The following ADGRA3 variants were observed in gnomAD, a reference collection of about 807,000 sequenced individuals.
ADGRA3 encodes the protein G-protein coupled receptor 125.
In ADGRA3, 56 loss-of-function variants were observed where a neutral mutation model predicts 119.8. The ratio of observed to expected loss-of-function variants is 0.47; its 90% confidence interval spans 0.38 to 0.58. The LOEUF (loss-of-function observed/expected upper bound fraction) is 0.58. ADGRA3 is among the 20% of genes least tolerant of loss of function. The probability of loss-of-function intolerance (pLI) is 0.00; values close to 1 mark genes in which losing one functional copy is unlikely to be tolerated. For missense variants in ADGRA3, 1,516 were observed against 1,649.0 expected (o/e 0.92, Z 1.40); for synonymous variants, 607 against 623.8 (o/e 0.97, Z 0.40).
intron 8 of ADGRA3, 111 bp downstream of exon 8, chr4:22,438,145 T>C (rs529015331): frequency 4.8e-5 from 36 of 752,866 alleles, no homozygotes; most frequent in Admixed American, 1.3e-4. Flanking sequence ...TCCTCAGACA[T>C]GTGCAGTTCT....
chr4:22,388,956 G>T lies in ADGRA3; in HGVS notation c.2724-9C>A, dbSNP rs773207150. ...CCCATGCCATCCAGCAACTGGAAAAGAAAATGGTAAACCAGATCGATGCTA... is the reference window on the plus strand; with the variant it reads ...CCCATGCCATCCAGCAACTGGAAAATAAAATGGTAAACCAGATCGATGCTA... On this transcript the variant is annotated splice_polypyrimidine_tract_variant and intron_variant, in intron 18 of 18. Transcript: ENST00000334304. 3.2e-5 allele frequency: 51 copies of T among 1,611,682 alleles called. 1 individual carries two copies. In the South Asian group the frequency reaches 4.8e-4, roughly 15 times the overall value.
intron 4 of ADGRA3, among the ~76,000 whole-genome samples, 180 bp from the exon 5 acceptor site, chr4:22,447,691 T>C (rs1409620973): frequency 1.3e-5 from 2 of 152,022 alleles, no homozygotes; most frequent in African/African-American, 4.8e-5. Context: ...AAGAAGAAAA[T>C]TATGCTTCAC....
intron 1 of ADGRA3, among the ~76,000 whole-genome samples, chr4:22,483,579 C>A (rs2109137319): frequency 6.6e-6 from 1 of 152,238 alleles, no homozygotes; most frequent in African/African-American, 2.4e-5. Context: ...CATGTTAGAC[C>A]TTCTAAACTT....
In ADGRA3 at chr4:22,454,878, T is replaced by C. The variant is rs61736472; in HGVS notation, c.461A>G (p.Asn154Ser). ...LNADIFRGLT[N>S]LVRLNLSGNL... ...AAGATATACTTACAGCCGAACCAGA[T>C]TGGTGAGTCCTCGAAATATGTCTGC... The change falls in exon 4 of 19, where the codon AAT (asparagine) becomes AGT (serine). Residue 154 changes from asparagine (N) to serine (S), a missense_variant. Asn to Ser is a conservative substitution (Grantham distance 46). Coordinates refer to ENST00000334304, the MANE Select transcript of ADGRA3 (RefSeq NM_145290.4). 1.0e-4 allele frequency: 165 copies of C among 1,612,792 alleles called. No individual in the cohort carries two copies. The highest frequency in any genetic ancestry group is 3.3e-4 in the Middle Eastern group (2 of 6,080).
At position 22,392,579 on chromosome 4, in the gene ADGRA3, C is replaced by T; in HGVS notation, c.2593G>A (p.Asp865Asn). The change falls in exon 17 of 19, where the codon GAT becomes AAT. Residue 865 changes from aspartate (D) to asparagine (N), a missense_variant. This residue lies in a region of ADGRA3 where 1,088 missense variants were observed against 1,107.1 expected (regional missense o/e 0.98). Transcript: ENST00000334304. ...TKKAKRCQDP[D>N]EPPPPPRPML... ...GGTCTTGGTGGAGGTGGTGGTTCAT[C>T]AGGATCCTGGCATCTTTTAGCTTTT... 6.2e-7 allele frequency: 1 copy of T among 1,613,944 alleles called. No individual in the cohort carries two copies. Among genetic ancestry groups the T allele is most frequent in the Non-Finnish European group, 8.5e-7 (1 of 1,179,884 alleles).
rs1715623325 is a variant in ADGRA3, at chr4:22,420,684, C to G, written c.1809+202G>C. 24 of 575,398 alleles carry G rather than the reference C, an allele frequency of 4.2e-5. No homozygotes were observed. The South Asian group carries it at 5.6e-4, about 13-fold the overall frequency. 35.6% of individuals were successfully genotyped at this position (575,398 alleles called of 1,614,324 possible). A position where few individuals can be genotyped will look rare whatever the true frequency, so the allele number is the denominator to read the frequency against. ...ATATTTTTATGTGAAGAAAGGGAAT[C>G]AAAGGCAAAAATGCCTAGGGCCCTT... On this transcript the variant is annotated intron_variant, in intron 12 of 18. Coordinates refer to ENST00000334304, the MANE Select transcript of ADGRA3 (RefSeq NM_145290.4).
At position 22,413,108 on chromosome 4, in the gene ADGRA3, A is replaced by T. The variant is rs549776155; in HGVS notation, c.2232+74T>A. The T allele has an allele frequency of 3.5e-6, 4 of 1,147,346 alleles. No homozygotes were observed. The African/African-American group carries it at 6.3e-5, about 18-fold the overall frequency. 71.1% of individuals were successfully genotyped at this position (1,147,346 alleles called of 1,614,324 possible). ...AAAAAAAAACAAAAAACAAAAAAAC[A>T]CTTCATTTGAGCTTAATTATGCATA... On this transcript the variant is annotated intron_variant, in intron 14 of 18. Transcript: ENST00000334304.
chr4:22,443,691 C>T (rs537999598), intron 6 of ADGRA3, among the ~76,000 whole-genome samples: 3 of 152,028 alleles, frequency 2.0e-5, no homozygotes, highest in Admixed American at 2.0e-4. Context: ...ATTAATTCAA[C>T]TTAAAAAAGG....
chr4:22,467,825 A>C (rs1202795631), intron 2 of ADGRA3, among the ~76,000 whole-genome samples: 3 of 152,218 alleles, frequency 2.0e-5, no homozygotes, highest in Non-Finnish European at 2.9e-5. Context: ...TGTATGGCTA[A>C]ATCTGAATAC....
At position 22,515,543 on chromosome 4, in the gene ADGRA3, T is replaced by A. The variant is rs1399501600; in HGVS notation, c.242A>T (p.Asn81Ile). ...AQVLPPDTLP[N>I]RTVTLILSNN... is the part of the protein sequence containing the mutation. ...AGATACTCACAGGGTGACCGTGCGG[T>A]TGGGCAGAGTATCTGGGGGCAGGAC... Residue 81 changes from asparagine (N) to isoleucine (I), a missense_variant, in exon 1 of 19, where the codon AAC (asparagine) becomes ATC (isoleucine). By Grantham distance (149) the Asn-to-Ile change is moderately radical. This residue lies in a region of ADGRA3 where 428 missense variants were observed against 541.9 expected (regional missense o/e 0.79). Coordinates refer to ENST00000334304, the MANE Select transcript of ADGRA3 (RefSeq NM_145290.4). 1.3e-6 allele frequency: 2 copies of A among 1,597,270 alleles called. No homozygotes were observed. The highest frequency in any genetic ancestry group is 1.7e-5 in the Admixed American group (1 of 59,672).
intron 14 of ADGRA3, among the ~76,000 whole-genome samples, chr4:22,405,325 A>C (rs754833592): frequency 1.3e-5 from 2 of 152,158 alleles, no homozygotes; most frequent in Non-Finnish European, 2.9e-5. Context: ...GGATTGCTTG[A>C]GGCCAGGAGC....
chr4:22,416,651 G>C (rs934607005), intron 12 of ADGRA3, among the ~76,000 whole-genome samples: 1 of 152,156 alleles, frequency 6.6e-6, no homozygotes, highest in African/African-American at 2.4e-5. Context: ...GGGACTGGGG[G>C]AGAGGAAATG....
At chr4:22,438,637 C>G (rs773014308) in intron 7 of ADGRA3, among the ~76,000 whole-genome samples, 1 of 151,998 alleles carries the variant, frequency 6.6e-6, no homozygotes, top group Non-Finnish European at 1.5e-5. Flanking sequence ...ACAATCAGGG[C>G]AATAAGAGAC....
chr4:22,509,800 G>A (rs1719379921), intron 1 of ADGRA3, among the ~76,000 whole-genome samples: 1 of 151,904 alleles, frequency 6.6e-6, no homozygotes, highest in African/African-American at 2.4e-5. Flanking sequence ...CACGAGGTCA[G>A]GAGATCGAGA....
At chr4:22,426,783 A>G (rs1715953577) in intron 10 of ADGRA3, among the ~76,000 whole-genome samples, 1 of 152,176 alleles carries the variant, frequency 6.6e-6, no homozygotes, top group Non-Finnish European at 1.5e-5. Flanking sequence ...AATGACAAAT[A>G]ATTAAGAAGA....
intron 1 of ADGRA3, among the ~76,000 whole-genome samples, chr4:22,485,685 C>CTTT (rs1283748221): frequency 1.3e-5 from 2 of 152,160 alleles, no homozygotes; most frequent in Non-Finnish European, 2.9e-5. Flanking sequence ...GGGTAATGAA[C>CTTT]TGCCTTTACT....
intron 1 of ADGRA3, among the ~76,000 whole-genome samples, chr4:22,475,619 C>G (rs1055813112): frequency 1.3e-5 from 2 of 151,848 alleles, no homozygotes; most frequent in African/African-American, 4.8e-5. Flanking sequence ...CCCAGCTACT[C>G]GGGAGGCTGA....
chr4:22,461,225 T>C (rs1717438508), intron 3 of ADGRA3, among the ~76,000 whole-genome samples: 2 of 152,160 alleles, frequency 1.3e-5, no homozygotes, highest in Admixed American at 1.3e-4. Flanking sequence ...AGCATAAGAG[T>C]AACACAGCCA....
At chr4:22,400,882 C>T (rs991461322) in intron 16 of ADGRA3, among the ~76,000 whole-genome samples, 2 of 151,962 alleles carry the variant, frequency 1.3e-5, no homozygotes, top group Non-Finnish European at 2.9e-5. Context: ...TAAAATGTTA[C>T]GTATTTTCTA....
Sources: gnomAD v4.1 joint callset for allele counts (sites outside exome capture counted in the v4.1 genomes callset) on GRCh38, gnomAD v4.1.1 for gene constraint, gnomAD v4.1.1 regional missense constraint, MANE v1.5 for transcripts, NCBI Gene and HGNC (gene_info 2026-07-23, HGNC 2026-07-21) for gene names.